COP1: variants seen among roughly 807,000 people sequenced by gnomAD.
COP1 encodes the protein COP1 E3 ubiquitin ligase.
In COP1, 24 loss-of-function variants were observed where a neutral mutation model predicts 101.3. The observed-to-expected ratio is 0.24, with a 90% CI of 0.17 to 0.33. The LOEUF is 0.33. COP1 is among the 10% of genes least tolerant of loss of function. The pLI, the probability that COP1 is intolerant of heterozygous loss-of-function variation, is 1.00. For synonymous variants in COP1, 347 were observed against 341.9 expected, an observed-to-expected ratio of 1.01 and a Z score of -0.17; for missense variants, 663 against 906.2, an observed-to-expected ratio of 0.73 and a Z score of 3.45.
At chr1:176,118,708 C>T (rs1223240857) in intron 8 of COP1, among the ~76,000 whole-genome samples, 1 of 152,120 alleles carries the variant, frequency 6.6e-6, no homozygotes, top group Admixed American at 6.5e-5. Context: ...ATGAGCTATG[C>T]ATCGCTGCAT....
chr1:176,119,336 T>C (rs1384317488), intron 8 of COP1, among the ~76,000 whole-genome samples: 1 of 152,214 alleles, frequency 6.6e-6, no homozygotes, highest in Non-Finnish European at 1.5e-5. Context: ...CAGCTATGCA[T>C]TTTTATGGAT....
At position 175,970,340 on chromosome 1, in the gene COP1, C is replaced by T. The variant is rs1652993460; in HGVS notation, c.2133+16603G>A. 2.6e-5 allele frequency among the ~76,000 whole-genome samples: 4 copies of T among 152,186 alleles called. No individual in the cohort carries two copies. The South Asian group carries it at 8.3e-4, about 32-fold the overall frequency. On this transcript the variant is annotated intron_variant, in intron 18 of 19. Transcript: ENST00000367669. The stretch of plus-strand genomic sequence containing the variant: ...TAAGAGGATAAGGCAATATGAAGAA[C>T]AACATGAATACGAGTTTAGAAGCCG...
At chr1:176,016,124 A>G (rs1056314811) in intron 15 of COP1, among the ~76,000 whole-genome samples, 1 of 152,210 alleles carries the variant, frequency 6.6e-6, no homozygotes, top group African/African-American at 2.4e-5. Context: ...AGGAATTTCC[A>G]GTAAGTAGAA....
At chr1:176,196,169 GC>G (rs1390686630) in intron 1 of COP1, among the ~76,000 whole-genome samples, 1 of 151,904 alleles carries the variant, frequency 6.6e-6, no homozygotes, top group Non-Finnish European at 1.5e-5. Flanking sequence ...TGAAAAGAGG[GC>G]CAAAAATCAA....
At chr1:176,166,194 T>C (rs1695119010) in intron 3 of COP1, among the ~76,000 whole-genome samples, 1 of 152,158 alleles carries the variant, frequency 6.6e-6, no homozygotes, top group Non-Finnish European at 1.5e-5. Context: ...TGGCGTGATC[T>C]TGGCTCCCTG....
At chr1:176,136,723 A>G (rs1257175203) in intron 6 of COP1, among the ~76,000 whole-genome samples, 176 bp from the exon 7 acceptor site, 5 of 152,142 alleles carry the variant, frequency 3.3e-5, no homozygotes, top group Admixed American at 6.5e-5. Flanking sequence ...AGAAGTTCCC[A>G]TTTTTTAATG....
intron 1 of COP1, among the ~76,000 whole-genome samples, chr1:176,203,571 G>C (rs374547061): frequency 8.3e-4 from 127 of 152,196 alleles, no homozygotes; most frequent in African/African-American, 3.0e-3. Context: ...TAAATGAACC[G>C]TAAGAAAATT....
chr1:176,080,968 C>T (rs1353894462), intron 11 of COP1, among the ~76,000 whole-genome samples, 184 bp downstream of exon 11: 1 of 152,046 alleles, frequency 6.6e-6, no homozygotes, highest in Admixed American at 6.6e-5. Flanking sequence ...ATCAATTATT[C>T]CACTTTAGAG....
intron 15 of COP1, among the ~76,000 whole-genome samples, chr1:175,992,704 G>A (rs1370358303): frequency 6.6e-6 from 1 of 152,230 alleles, no homozygotes; most frequent in East Asian, 1.9e-4. Flanking sequence ...AGGGGCACCT[G>A]CCATTGCCCA....
chr1:175,972,016 C>T (rs977317228), intron 18 of COP1, among the ~76,000 whole-genome samples: 3 of 152,072 alleles, frequency 2.0e-5, no homozygotes, highest in Non-Finnish European at 4.4e-5. Flanking sequence ...AAATTTCCAC[C>T]GGTGGCTCCA....
chr1:176,092,769 A>G (rs868085493), intron 9 of COP1, among the ~76,000 whole-genome samples: 1 of 152,222 alleles, frequency 6.6e-6, no homozygotes, highest in Non-Finnish European at 1.5e-5. Context: ...TTAAATTGAT[A>G]AAAGTACACT....
chr1:176,193,254 T>C (rs1311853886), intron 1 of COP1, among the ~76,000 whole-genome samples: 1 of 152,164 alleles, frequency 6.6e-6, no homozygotes. Context: ...AGGTTGGCTA[T>C]TATCAAAAAG....
At chr1:176,049,383 G>A (rs1220741971) in intron 11 of COP1, among the ~76,000 whole-genome samples, 2 of 151,510 alleles carry the variant, frequency 1.3e-5, no homozygotes, top group African/African-American at 2.4e-5. Context: ...CTTACATTTT[G>A]GTTATGTTTT....
At chr1:176,013,616 A>G (rs554474937) in intron 15 of COP1, among the ~76,000 whole-genome samples, 42 of 152,338 alleles carry the variant, frequency 2.8e-4, no homozygotes, top group African/African-American at 9.9e-4. Flanking sequence ...CAAAGACTAC[A>G]AATGTATTTC....
At chr1:176,186,505 A>G (rs1698457379) in intron 1 of COP1, among the ~76,000 whole-genome samples, 1 of 152,110 alleles carries the variant, frequency 6.6e-6, no homozygotes, top group African/African-American at 2.4e-5. Context: ...GTGCCACTGC[A>G]CTCCAGCCCA....
chr1:175,981,855 C>A (rs1426074398), intron 18 of COP1, among the ~76,000 whole-genome samples: 2 of 152,034 alleles, frequency 1.3e-5, no homozygotes, highest in Non-Finnish European at 1.5e-5. Context: ...CAAAAAAAGA[C>A]ATACAAATAA....
At chr1:176,133,660 T>C (rs1335026647) in intron 8 of COP1, among the ~76,000 whole-genome samples, 1 of 151,824 alleles carries the variant, frequency 6.6e-6, no homozygotes, top group Non-Finnish European at 1.5e-5. Context: ...ATTAAGTAAA[T>C]GCACCGTACT....
chr1:176,112,216 A>G (rs1248217125), intron 9 of COP1, among the ~76,000 whole-genome samples: 2 of 150,316 alleles, frequency 1.3e-5, no homozygotes, highest in Non-Finnish European at 3.0e-5. Flanking sequence ...CTACTCTAAA[A>G]TATTTCCAAA....
chr1:176,025,357 C>A (rs1667482087), intron 15 of COP1, among the ~76,000 whole-genome samples: 1 of 150,864 alleles, frequency 6.6e-6, no homozygotes. Flanking sequence ...AACAGAAAAC[C>A]CAAACACTAC....
Sources: allele counts gnomAD v4.1 joint callset (sites outside exome capture counted in the v4.1 genomes callset), GRCh38; gene constraint gnomAD v4.1.1; transcripts MANE v1.5; gene names NCBI Gene and HGNC (gene_info 2026-07-23, HGNC 2026-07-21).